The following HIPK3 variants were observed in gnomAD, a reference collection of about 807,000 sequenced individuals.
The protein encoded by HIPK3 is homeodomain-interacting protein kinase 3.
A neutral mutation model predicts 124.2 loss-of-function variants in HIPK3; 47 were observed. The observed-to-expected ratio is 0.38, with a 90% CI of 0.30 to 0.48. The LOEUF (loss-of-function observed/expected upper bound fraction) is 0.48, where lower values mean the gene tolerates loss of function less well. HIPK3 is among the 20% of genes least tolerant of loss of function. The pLI is 0.98. For synonymous variants in HIPK3, 482 were observed against 515.2 expected (o/e 0.94, Z 0.87); for missense variants, 1,286 against 1,454.3 (o/e 0.88, Z 1.88).
intron 16 of HIPK3, 128 bp from the exon 17 acceptor site, chr11:33,352,964 A>T (rs1187418203): frequency 3.3e-6 from 2 of 599,164 alleles, no homozygotes; most frequent in Non-Finnish European, 5.9e-6. Context: ...TTCTTAGTAT[A>T]AGTTAGTTCT....
In HIPK3 at chr11:33,347,392, T is replaced by A; in HGVS notation, c.1997T>A (p.Ile666Asn). The change falls in exon 9 of 17, where the codon ATC becomes AAC. Residue 666 changes from isoleucine to asparagine, a missense_variant. Ile to Asn is a moderately radical substitution (Grantham distance 149). This residue lies in a region of HIPK3 where 810 missense variants were observed against 864.9 expected (regional missense o/e 0.94). Transcript: ENST00000303296. ...GCCCCAGCTGTGCAGCCACTACAGA[T>A]CCGACCAGGAGTTCTTTCTCAGGTT... is the stretch of plus-strand genomic sequence containing the variant. ...TQAPAVQPLQ[I>N]RPGVLSQTWS... is the part of the protein sequence containing the mutation. 6.2e-7 allele frequency: 1 copy of A among 1,614,096 alleles called. No individual in the cohort carries two copies. The highest frequency in any genetic ancestry group is 1.3e-5 in the African/African-American group (1 of 75,044).
chr11:33,314,579 C>T (rs1205983230), intron 2 of HIPK3, among the ~76,000 whole-genome samples: 1 of 152,092 alleles, frequency 6.6e-6, no homozygotes, highest in East Asian at 1.9e-4. Flanking sequence ...TTGCTTGAAC[C>T]CGGCAGGCAG....
At chr11:33,268,625 A>G (rs1344051077) in intron 1 of HIPK3, among the ~76,000 whole-genome samples, 6 of 150,930 alleles carry the variant, frequency 4.0e-5, no homozygotes, top group Non-Finnish European at 8.8e-5. Context: ...AATTAAAAAA[A>G]GAATCTTGTA....
intron 1 of HIPK3, among the ~76,000 whole-genome samples, chr11:33,279,316 CTT>C (rs1186039004): frequency 3.3e-5 from 3 of 92,080 alleles, no homozygotes; most frequent in African/African-American, 1.4e-4. Context: ...GAGGGAGACT[CTT>C]TGTCTCAAAA....
chr11:33,285,567 CAAAAA>C (rs10573152), intron 1 of HIPK3, among the ~76,000 whole-genome samples: 286 of 146,510 alleles, frequency 2.0e-3, no homozygotes, highest in Middle Eastern at 7.2e-3. Context: ...AACTCTGTCT[CAAAAA>C]AAAAAAATAT....
chr11:33,332,702 G>A (rs182500869), intron 3 of HIPK3, among the ~76,000 whole-genome samples: 1 of 152,204 alleles, frequency 6.6e-6, no homozygotes, highest in African/African-American at 2.4e-5. Flanking sequence ...TTCTATTTTT[G>A]TCAGGCTATT....
chr11:33,289,613 G>A (rs1851646006), intron 2 of HIPK3, among the ~76,000 whole-genome samples: 1 of 151,928 alleles, frequency 6.6e-6, no homozygotes, highest in South Asian at 2.1e-4. Flanking sequence ...ATCACATCAG[G>A]GTAAATGGAC....
In HIPK3 at chr11:33,286,583, A is replaced by G. The variant is rs1308228037; in HGVS notation, c.169A>G (p.Thr57Ala). 1 of 1,614,102 alleles carries G rather than the reference A, an allele frequency of 6.2e-7. No homozygotes were observed. The highest frequency in any genetic ancestry group is 1.7e-5 in the Admixed American group (1 of 60,018). The change falls in exon 2 of 17, where the codon ACT becomes GCT. Residue 57 changes from threonine (T) to alanine (A), a missense_variant. Coordinates refer to ENST00000303296, the MANE Select transcript of HIPK3 (RefSeq NM_005734.5). ...AAACTTTGGAAATTCTCATCCTCCC[A>G]CTAAGGGTAGTGCTTTTCAGACAAA... ...GRNFGNSHPP[T>A]KGSAFQTKIP... is the part of the protein sequence containing the mutation.
Position 33,341,621 on chromosome 11 carries a change from C to A in HIPK3, c.1832C>A (p.Thr611Asn). Residue 611 changes from threonine to asparagine, a missense_variant, in exon 8 of 17, where the codon ACT (threonine) becomes AAT (asparagine). Transcript: ENST00000303296. ...CATGGAATACCTCTGCAGGCAGGAA[C>A]TGCTCAGTTTGGTTGTGGTGATGCT... The part of the protein sequence containing the change: ...VHHGIPLQAG[T>N]AQFGCGDAFQ... The A allele has an allele frequency of 6.2e-7, 1 of 1,613,826 alleles. No individual in the cohort carries two copies. Among genetic ancestry groups the A allele is most frequent in the Non-Finnish European group, 8.5e-7 (1 of 1,179,788 alleles).
chr11:33,345,837 A>G (rs1853475523), intron 8 of HIPK3, among the ~76,000 whole-genome samples: 1 of 152,178 alleles, frequency 6.6e-6, no homozygotes, highest in African/African-American at 2.4e-5. Flanking sequence ...CAGTGAAGAA[A>G]ATAAACAGGC....
Position 33,356,440 on chromosome 11 carries a change from A to G in HIPK3, c.*2872A>G, listed in dbSNP as rs962636442. On this transcript the variant is annotated 3_prime_UTR_variant, in exon 17 of 17. Transcript: ENST00000303296. ...TAAATAAAACACTGCATGATTTCCA[A>G]GTTGCATATTTGCATACTATTTTAA... The G allele has an allele frequency of 1.3e-5, 2 of 151,864 alleles. No individual in the cohort carries two copies. Among genetic ancestry groups the G allele is most frequent in the Non-Finnish European group, 2.9e-5 (2 of 67,876 alleles). 9.4% of individuals were successfully genotyped at this position (151,864 alleles called of 1,614,324 possible). A position where few individuals can be genotyped will look rare whatever the true frequency, so the allele number is the denominator to read the frequency against.
chr11:33,286,376 CTTTTTTTTCTTTTCCT>C lies in HIPK3; in HGVS notation c.-2-28_-2-13del, dbSNP rs1282828528. 16 of 1,363,558 alleles carry C rather than the reference CTTTTTTTTCTTTTCCT, an allele frequency of 1.2e-5. No individual in the cohort carries two copies. In the African/African-American group the frequency reaches 2.2e-4, roughly 18 times the overall value. 84.5% of individuals were successfully genotyped at this position (1,363,558 alleles called of 1,614,324 possible). A position where few individuals can be genotyped will look rare whatever the true frequency, so the allele number is the denominator to read the frequency against. ...TGTTGACATTAATATTTCTTCTTTC[CTTTTTTTTCTTTTCCT>C]TTTTTTTTTTTTTTTTGCAGGTATG... On this transcript the variant is annotated intron_variant, in intron 1 of 16. Coordinates refer to ENST00000303296, the MANE Select transcript of HIPK3 (RefSeq NM_005734.5).
intron 2 of HIPK3, among the ~76,000 whole-genome samples, chr11:33,310,281 T>TTATCTATCTATCTATCCATCTATCTATC (rs1852292173): frequency 8.3e-6 from 1 of 121,074 alleles, no homozygotes. Flanking sequence ...TCTGTCTATC[T>TTATCTATCTATCTATCCATCTATCTATC]TATCTATCTA....
At chr11:33,314,118 G>A (rs1241180896) in intron 2 of HIPK3, among the ~76,000 whole-genome samples, 2 of 152,070 alleles carry the variant, frequency 1.3e-5, no homozygotes, top group Admixed American at 6.5e-5. Context: ...CACTGCACCT[G>A]GCTGAATAAT....
intron 2 of HIPK3, among the ~76,000 whole-genome samples, chr11:33,313,209 T>C (rs572109305): frequency 2.6e-5 from 4 of 152,328 alleles, no homozygotes; most frequent in Admixed American, 6.5e-5. Context: ...AACTGGTGTG[T>C]ATTCTTAGAA....
At chr11:33,306,091 G>T (rs1272252300) in intron 2 of HIPK3, among the ~76,000 whole-genome samples, 2 of 152,054 alleles carry the variant, frequency 1.3e-5, no homozygotes, top group Non-Finnish European at 1.5e-5. Flanking sequence ...TAGACATTTC[G>T]TCTAACTTAA....
At chr11:33,269,136 A>G (rs1851053767) in intron 1 of HIPK3, among the ~76,000 whole-genome samples, 1 of 152,234 alleles carries the variant, frequency 6.6e-6, no homozygotes, top group Non-Finnish European at 1.5e-5. Flanking sequence ...TCTTTATTGC[A>G]TAGCTTGGCA....
At position 33,347,890 on chromosome 11, in the gene HIPK3, T is replaced by G. The variant is rs1853545307; in HGVS notation, c.2183T>G (p.Met728Arg). Residue 728 changes from methionine (M) to arginine (R), a missense_variant, in exon 11 of 17, where the codon ATG becomes AGG. Around this residue, in one of 3 missense-constraint regions of HIPK3, gnomAD observed 810 missense variants for 864.9 expected, o/e 0.94. Transcript: ENST00000303296. ...TGCAGCAATCATTATAACTCAGTGA[T>G]GCCGCAGCCTCTTCTGACCAATCAG... Reference protein sequence around the residue: ...ISCSNHYNSVMPQPLLTNQIT... With the variant: ...ISCSNHYNSVRPQPLLTNQIT... The G allele has an allele frequency of 6.2e-7, 1 of 1,614,236 alleles. No homozygotes were observed. The highest frequency in any genetic ancestry group is 8.5e-7 in the Non-Finnish European group (1 of 1,180,030).
At chr11:33,305,291 C>T (rs758869930) in intron 2 of HIPK3, among the ~76,000 whole-genome samples, 1 of 152,174 alleles carries the variant, frequency 6.6e-6, no homozygotes, top group Non-Finnish European at 1.5e-5. Flanking sequence ...CTTGACCCAC[C>T]ATGCCTGGCC....
Sources: allele counts gnomAD v4.1 joint callset (sites outside exome capture counted in the v4.1 genomes callset), GRCh38; gene constraint gnomAD v4.1.1; regional missense constraint gnomAD v4.1.1; transcripts MANE v1.5; gene names NCBI Gene and HGNC (gene_info 2026-07-23, HGNC 2026-07-21).